Variants in PDZD2 observed in about 807,000 individuals in gnomAD.
PDZD2 encodes the protein PDZ domain-containing protein 2.
Under a neutral mutation model 220.7 loss-of-function variants are expected in PDZD2, and 90 were observed. The ratio of observed to expected loss-of-function variants is 0.41; its 90% CI spans 0.34 to 0.49. The LOEUF (loss-of-function observed/expected upper bound fraction) is 0.49, where lower values mean the gene tolerates loss of function less well. Among genes scored for constraint, PDZD2 ranks in the 20% least tolerant of loss-of-function variants. The pLI is 0.28. For missense variants in PDZD2, 3,174 were observed against 3,608.5 expected (o/e 0.88, Z 3.08); for synonymous variants, 1,375 against 1,450.5 (o/e 0.95, Z 1.18).
chr5:32,074,099 A>G lies in PDZD2; in HGVS notation c.2993A>G (p.Glu998Gly). 6.2e-7 allele frequency: 1 copy of G among 1,614,226 alleles called. No homozygotes were observed. Among genetic ancestry groups the G allele is most frequent in the Non-Finnish European group, 8.5e-7 (1 of 1,180,036 alleles). The part of the protein sequence containing the change: ...ALPGPIRPLS[E>G]DDPRRVSISS... Reference sequence around the variant, plus strand: ...CCGGGTCCCATCAGGCCTCTGTCAGAGGATGACCCGAGGCGTGTCTCAATT... The same window carrying G: ...CCGGGTCCCATCAGGCCTCTGTCAGGGGATGACCCGAGGCGTGTCTCAATT... The change falls in exon 18 of 25, where the codon GAG becomes GGG. Residue 998 changes from glutamate (E) to glycine (G), a missense_variant. By Grantham distance (98) the Glu-to-Gly change is moderately conservative. This residue lies in a region of PDZD2 where 1,861 missense variants were observed against 2,001.0 expected (regional missense o/e 0.93). Coordinates refer to ENST00000438447, the MANE Select transcript of PDZD2 (RefSeq NM_178140.4).
At chr5:31,648,262 T>G (rs1304958892) in intron 1 of PDZD2, among the ~76,000 whole-genome samples, 1 of 152,190 alleles carries the variant, frequency 6.6e-6, no homozygotes, top group African/African-American at 2.4e-5. Flanking sequence ...TCCAGACTCA[T>G]GTGCCCCACT....
At chr5:31,945,562 A>G (rs1032740685) in intron 2 of PDZD2, among the ~76,000 whole-genome samples, 2 of 152,106 alleles carry the variant, frequency 1.3e-5, no homozygotes, top group Admixed American at 1.3e-4. Context: ...AGAGGGCTGA[A>G]CCACACCAAA....
intron 1 of PDZD2, among the ~76,000 whole-genome samples, chr5:31,705,896 C>A (rs951498023): frequency 2.0e-5 from 3 of 152,172 alleles, no homozygotes; most frequent in African/African-American, 7.2e-5. Flanking sequence ...CTGAAAAATA[C>A]AAAATTTACC....
chr5:32,097,281 TGAA>T lies in PDZD2; in HGVS notation c.7854_7856del (p.Glu2618del), dbSNP rs751480688. ...TAATTTTTGTTTGTTTTCACTAGAA[TGAA>T]GAAGATGTTTGCTTCATAGTCTTGA... On this transcript the variant is annotated inframe_deletion, in exon 22 of 25. Coordinates refer to ENST00000438447, the MANE Select transcript of PDZD2 (RefSeq NM_178140.4). 21 of 1,599,676 alleles carry T rather than the reference TGAA, an allele frequency of 1.3e-5. No individual in the cohort carries two copies. Among genetic ancestry groups the T allele is most frequent in the Middle Eastern group, 1.7e-4 (1 of 6,040 alleles).
intron 1 of PDZD2, among the ~76,000 whole-genome samples, chr5:31,746,956 C>T (rs952034322): frequency 1.3e-5 from 2 of 152,152 alleles, no homozygotes; most frequent in Non-Finnish European, 2.9e-5. Context: ...CGTTGGGGAG[C>T]ATGAGGTCAG....
At chr5:31,878,269 C>G (rs1739498935) in intron 2 of PDZD2, among the ~76,000 whole-genome samples, 1 of 152,156 alleles carries the variant, frequency 6.6e-6, no homozygotes, top group Non-Finnish European at 1.5e-5. Context: ...TGGAGATGCC[C>G]TCTGCTCCAT....
chr5:31,714,595 C>T (rs1033295694), intron 1 of PDZD2, among the ~76,000 whole-genome samples: 2 of 152,144 alleles, frequency 1.3e-5, no homozygotes, highest in Middle Eastern at 3.4e-3. Context: ...AATGTTTATC[C>T]GGTGCTTATA....
At chr5:31,919,583 G>A (rs1445823644) in intron 2 of PDZD2, among the ~76,000 whole-genome samples, 1 of 151,992 alleles carries the variant, frequency 6.6e-6, no homozygotes. Context: ...CTGACCTCAG[G>A]TGATCTGCCT....
intron 1 of PDZD2, among the ~76,000 whole-genome samples, chr5:31,784,612 G>A (rs1223186442): frequency 6.6e-6 from 1 of 152,188 alleles, no homozygotes; most frequent in Non-Finnish European, 1.5e-5. Flanking sequence ...AGAGTAAGAA[G>A]TTAGTGATGC....
At chr5:31,656,038 G>A (rs549872581) in intron 1 of PDZD2, among the ~76,000 whole-genome samples, 88 of 152,320 alleles carry the variant, frequency 5.8e-4, no homozygotes, top group African/African-American at 2.0e-3. Flanking sequence ...GCTGAACTTC[G>A]ATGCACAGGC....
At chr5:31,872,698 C>CA (rs1394807918) in intron 2 of PDZD2, among the ~76,000 whole-genome samples, 3 of 152,110 alleles carry the variant, frequency 2.0e-5, no homozygotes, top group Non-Finnish European at 4.4e-5. Flanking sequence ...GAAACATCGG[C>CA]ATATTAGTCA....
At chr5:32,028,870 A>G (rs1754906440) in intron 6 of PDZD2, among the ~76,000 whole-genome samples, 1 of 151,794 alleles carries the variant, frequency 6.6e-6, no homozygotes, top group Admixed American at 6.6e-5. Context: ...TTTAGTAGAG[A>G]CGGGGTTTCA....
In PDZD2 at chr5:31,639,528, CA is replaced by C. The variant is rs1295474053; in HGVS notation, c.-361+92del. 6.6e-6 allele frequency: 1 copy of C among 151,980 alleles called. No individual in the cohort carries two copies. The highest frequency in any genetic ancestry group is 1.5e-5 in the Non-Finnish European group (1 of 67,944). The allele number at this position is 151,980 out of a possible 1,614,324, so 9.4% of individuals were successfully genotyped here. The stretch of plus-strand genomic sequence containing the variant: ...CGGCACCCCCGAGACCGTGTGTGCC[CA>C]GGAAAGTTTAGCTACAAATCCGGGT... On this transcript the variant is annotated intron_variant, in intron 1 of 24. Transcript: ENST00000438447. The surrounding 1 kb of genome is among the most constrained non-coding windows in gnomAD (Gnocchi z 4.1).
At chr5:31,829,607 A>G (rs1362898273) in intron 2 of PDZD2, among the ~76,000 whole-genome samples, 2 of 151,874 alleles carry the variant, frequency 1.3e-5, no homozygotes, top group African/African-American at 4.8e-5. Context: ...ATGAACCACC[A>G]CACCCAGCCC....
chr5:31,663,493 A>G (rs992394823), intron 1 of PDZD2, among the ~76,000 whole-genome samples: 3 of 152,218 alleles, frequency 2.0e-5, no homozygotes, highest in Admixed American at 6.5e-5. Flanking sequence ...AAAAAAAATA[A>G]ACAAGTGTAC....
At chr5:31,813,660 A>G (rs1028216888) in intron 2 of PDZD2, among the ~76,000 whole-genome samples, 8 of 152,184 alleles carry the variant, frequency 5.3e-5, no homozygotes, top group African/African-American at 1.9e-4. Flanking sequence ...AGCCTTCCTG[A>G]TGTGGTCAAA....
chr5:31,862,751 G>A (rs1451109681), intron 2 of PDZD2, among the ~76,000 whole-genome samples: 1 of 151,836 alleles, frequency 6.6e-6, no homozygotes, highest in Non-Finnish European at 1.5e-5. Context: ...TTTCCAAGAT[G>A]GAGTGTTGCT....
At chr5:32,011,556 GAT>G (rs1753325847) in intron 6 of PDZD2, among the ~76,000 whole-genome samples, 1 of 152,210 alleles carries the variant, frequency 6.6e-6, no homozygotes, top group Non-Finnish European at 1.5e-5. Context: ...AAATCTGAAA[GAT>G]GTGTCATTTT....
At chr5:31,649,703 G>A (rs965914646) in intron 1 of PDZD2, among the ~76,000 whole-genome samples, 30 of 152,062 alleles carry the variant, frequency 2.0e-4, no homozygotes, top group African/African-American at 5.6e-4. Context: ...GGGAGGCCAA[G>A]GCAGGCAGAT....
Sources: gnomAD v4.1 joint callset for allele counts (sites outside exome capture counted in the v4.1 genomes callset) on GRCh38, gnomAD v4.1.1 for gene constraint, gnomAD v4.1.1 regional missense constraint, Gnocchi (gnomAD v3.1) non-coding constraint, MANE v1.5 for transcripts, NCBI Gene and HGNC (gene_info 2026-07-23, HGNC 2026-07-21) for gene names.